Variants in DGUOK observed in about 807,000 individuals in gnomAD.
DGUOK encodes deoxyguanosine kinase, mitochondrial.
In DGUOK, 30 loss-of-function variants were observed where a neutral mutation model predicts 36.6. The ratio of observed to expected loss-of-function variants is 0.82; its 90% CI spans 0.61 to 1.11. DGUOK has a LOEUF of 1.11. Ranked by LOEUF, DGUOK falls within the 50% of genes most tolerant of loss-of-function variation. DGUOK has a pLI of 0.00. For synonymous variants in DGUOK, 145 were observed against 126.3 expected (o/e 1.15, Z -0.99); for missense variants, 361 against 336.4 (o/e 1.07, Z -0.57).
intron 3 of DGUOK, among the ~76,000 whole-genome samples, chr2:73,950,099 A>G (rs1419883942): frequency 1.3e-5 from 2 of 152,250 alleles, no homozygotes; most frequent in Non-Finnish European, 2.9e-5. Flanking sequence ...AAACAAAAGG[A>G]TGGCTCAGTA....
intron 1 of DGUOK, among the ~76,000 whole-genome samples, chr2:73,929,221 A>C (rs1680831536): frequency 6.6e-6 from 1 of 152,044 alleles, no homozygotes; most frequent in Admixed American, 6.6e-5. Context: ...CCATCCTCCC[A>C]CCTTAGCCTC....
At chr2:73,937,002 G>T (rs1325390252) in intron 1 of DGUOK, among the ~76,000 whole-genome samples, 1 of 152,212 alleles carries the variant, frequency 6.6e-6, no homozygotes. Flanking sequence ...CAGGAAATGG[G>T]AAAGCATATG....
intron 3 of DGUOK, chr2:73,948,039 G>A (rs1193539998): frequency 1.3e-5 from 2 of 152,030 alleles, no homozygotes; most frequent in African/African-American, 2.4e-5. Flanking sequence ...TAGGCTATCC[G>A]TTCCTTGTGT....
intron 1 of DGUOK, chr2:73,932,789 C>A: frequency 2.3e-6 from 1 of 434,544 alleles, no homozygotes; most frequent in Admixed American, 4.3e-5. Flanking sequence ...AGTGAAGTAG[C>A]AACTAATGGC....
In DGUOK at chr2:73,950,582, C is replaced by A; in HGVS notation, c.444-3C>A. The A allele has an allele frequency of 6.2e-7, 1 of 1,614,112 alleles. No individual in the cohort carries two copies. The highest frequency in any genetic ancestry group is 1.7e-4 in the Middle Eastern group (1 of 6,054). On this transcript the variant is annotated splice_polypyrimidine_tract_variant and splice_region_variant and intron_variant, in intron 3 of 6. Transcript: ENST00000264093. ...TCCCCATTCCCATCCCACTTCCAAC[C>A]AGGTATATCTTTGCAAAGAATCTTT... is the stretch of plus-strand genomic sequence containing the variant.
At chr2:73,940,084 T>C (rs1681790914) in intron 2 of DGUOK, among the ~76,000 whole-genome samples, 1 of 152,164 alleles carries the variant, frequency 6.6e-6, no homozygotes, top group Admixed American at 6.5e-5. Context: ...GTATCTTTAG[T>C]AGAGACAGGG....
chr2:73,927,268 T>G (rs1680673000), intron 1 of DGUOK, among the ~76,000 whole-genome samples: 1 of 152,226 alleles, frequency 6.6e-6, no homozygotes, highest in South Asian at 2.1e-4. Context: ...GGAACATATT[T>G]GTTGGGGCAT....
chr2:73,944,568 T>G (rs1436049969), intron 2 of DGUOK, among the ~76,000 whole-genome samples: 1 of 152,230 alleles, frequency 6.6e-6, no homozygotes, highest in Non-Finnish European at 1.5e-5. Context: ...CAGAGACTAG[T>G]CCTCTCCTTT....
At chr2:73,934,969 A>G (rs1338008896) in intron 1 of DGUOK, among the ~76,000 whole-genome samples, 2 of 150,078 alleles carry the variant, frequency 1.3e-5, no homozygotes, top group African/African-American at 4.9e-5. Context: ...CCAGCTACTC[A>G]AGAGGCTGAG....
chr2:73,951,412 G>A (rs932279027), intron 4 of DGUOK, among the ~76,000 whole-genome samples: 4 of 151,896 alleles, frequency 2.6e-5, no homozygotes, highest in African/African-American at 7.3e-5. Flanking sequence ...CAATCTAGAC[G>A]ATCTCTAAGG....
chr2:73,926,973 C>T lies in DGUOK; in HGVS notation c.63C>T (p.Ser21=). 4 of 1,612,980 alleles carry T rather than the reference C, an allele frequency of 2.5e-6. No individual in the cohort carries two copies. Among genetic ancestry groups the T allele is most frequent in the South Asian group, 1.1e-5 (1 of 91,086 alleles). ...LRAPFSSMAK[S]PLEGVSSSRG... is the part of the protein sequence containing the mutation. ...CACCCTTCAGTTCCATGGCCAAGAG[C>T]CCACTCGAGGGCGTTTCCTCCTCCA... The change falls in exon 1 of 7, where the codon AGC becomes AGT. Residue 21 remains serine (S), a synonymous_variant. Transcript: ENST00000264093.
At chr2:73,939,341 T>G (rs1183861991) in intron 2 of DGUOK, among the ~76,000 whole-genome samples, 16 of 152,240 alleles carry the variant, frequency 1.1e-4, no homozygotes, top group African/African-American at 3.9e-4. Flanking sequence ...TATTATTACT[T>G]AAGCTAACCA....
chr2:73,952,172 A>G (rs1463635441), intron 4 of DGUOK, among the ~76,000 whole-genome samples: 2 of 152,204 alleles, frequency 1.3e-5, no homozygotes, highest in Non-Finnish European at 2.9e-5. Flanking sequence ...TTGTTTCTAA[A>G]ATAAAATAAA....
chr2:73,946,711 C>A lies in DGUOK; in HGVS notation c.256-8C>A. On this transcript the variant is annotated splice_region_variant and splice_polypyrimidine_tract_variant and intron_variant, in intron 2 of 6. Transcript: ENST00000264093. ...GGAAATTTTCTTCTTTTTTTCATCT[C>A]CCTCTAGGCCTGCACTGCCCAAAGT... The A allele has an allele frequency of 6.2e-7, 1 of 1,613,894 alleles. No individual in the cohort carries two copies. The highest frequency in any genetic ancestry group is 8.5e-7 in the Non-Finnish European group (1 of 1,179,916).
intron 5 of DGUOK, 83 bp downstream of exon 5, chr2:73,957,323 C>T (rs1683187536): frequency 1.0e-6 from 1 of 989,048 alleles, no homozygotes; most frequent in Non-Finnish European, 1.6e-6. Context: ...AGCATGCAGC[C>T]CCCTGTAGGA....
rs192208496 is a variant in DGUOK, at chr2:73,952,060, T to C, written c.591+1328T>C. On this transcript the variant is annotated intron_variant, in intron 4 of 6. Transcript: ENST00000264093. ...TTATGTGTGCCTGTGGTTTTAGCTA[T>C]TGGGGAGGTGAGACAGGAGGATCAC... Among the ~76,000 whole-genome samples, 360 of 152,230 alleles carry C rather than the reference T, an allele frequency of 2.4e-3. 1 individual carries two copies. The highest frequency in any genetic ancestry group is 4.2e-3 in the Non-Finnish European group (288 of 68,010).
chr2:73,951,007 T>G (rs1160392912), intron 4 of DGUOK, among the ~76,000 whole-genome samples: 2 of 152,086 alleles, frequency 1.3e-5, no homozygotes, highest in Non-Finnish European at 2.9e-5. Flanking sequence ...ATGATGACGC[T>G]TAGGGTTTGC....
intron 4 of DGUOK, among the ~76,000 whole-genome samples, chr2:73,956,718 G>A (rs1470321030): frequency 6.6e-6 from 1 of 152,212 alleles, no homozygotes; most frequent in East Asian, 1.9e-4. Flanking sequence ...GAAGGCTCTT[G>A]CCATAATCCA....
chr2:73,934,200 T>A (rs1482779819), intron 1 of DGUOK, among the ~76,000 whole-genome samples: 1 of 152,164 alleles, frequency 6.6e-6, no homozygotes, highest in Non-Finnish European at 1.5e-5. Context: ...ATAGAAAATT[T>A]TGTGGGGAGA....
Sources: gnomAD v4.1 joint callset for allele counts (sites outside exome capture counted in the v4.1 genomes callset) on GRCh38, gnomAD v4.1.1 for gene constraint, MANE v1.5 for transcripts, NCBI Gene and HGNC (gene_info 2026-07-23, HGNC 2026-07-21) for gene names.